GARS1: variants seen among roughly 807,000 people sequenced by gnomAD.
GARS1 encodes glycyl-tRNA synthetase 1.
A neutral mutation model predicts 86.4 loss-of-function variants in GARS1; 46 were observed. The ratio of observed to expected loss-of-function variants is 0.53; its 90% CI spans 0.42 to 0.68. The LOEUF is 0.68. Among genes scored for constraint, GARS1 ranks in the 30% least tolerant of loss-of-function variants. The pLI is 0.00. For missense variants in GARS1, 797 were observed against 915.6 expected, an observed-to-expected ratio of 0.87 and a Z score of 1.67; for synonymous variants, 342 against 329.8, an observed-to-expected ratio of 1.04 and a Z score of -0.40.
chr7:30,616,141 C>G, intron 9 of GARS1, 83 bp downstream of exon 9: 1 of 1,456,976 alleles, frequency 6.9e-7, no homozygotes, highest in South Asian at 1.2e-5. Flanking sequence ...TTCTGGGTGA[C>G]AAGATATTTT....
At chr7:30,608,113 C>G (rs954223921) in intron 6 of GARS1, among the ~76,000 whole-genome samples, 2 of 152,174 alleles carry the variant, frequency 1.3e-5, no homozygotes, top group Non-Finnish European at 1.5e-5. Flanking sequence ...TATTTCCCAT[C>G]TTTAACATTA....
rs373249167 is a variant in GARS1 at position 30,633,698 on chromosome 7, G to C, written c.2095-37G>C. ...ATCTTCTTCTTAAAAATCTGAACAA[G>C]TTGGTTGATACTTGGCTTCTCTTTC... On this transcript the variant is annotated intron_variant, in intron 16 of 16. Transcript: ENST00000389266. 3.7e-5 allele frequency: 60 copies of C among 1,610,988 alleles called. No homozygotes were observed. In the African/African-American group the frequency reaches 7.5e-4, roughly 20 times the overall value.
At chr7:30,617,018 A>G in intron 9 of GARS1, 96 bp from the exon 10 acceptor site, 24 of 1,212,616 alleles carry the variant, frequency 2.0e-5, no homozygotes, top group Non-Finnish European at 2.7e-5. Flanking sequence ...AATATTTTTC[A>G]GTAGAGTGAG....
chr7:30,623,100 C>CA (rs1266842929), intron 12 of GARS1, among the ~76,000 whole-genome samples: 3,843 of 55,894 alleles, frequency 0.069, 153 homozygotes, highest in African/African-American at 0.17. Flanking sequence ...GACTCCGTCT[C>CA]AAAAAAAAAA....
In GARS1 at chr7:30,598,888, G is replaced by C; in HGVS notation, c.315G>C (p.Leu105=). Residue 105 remains leucine, a synonymous_variant, in exon 2 of 17, where the codon CTG becomes CTC. Coordinates refer to ENST00000389266, the MANE Select transcript of GARS1 (RefSeq NM_002047.4). ...VAELKARKRV[L]EAKELALQPK... ...AGCTCAAAGCCCGCAAGAGGGTTCT[G>C]GAAGCAAAGGTGAGTCCTGGGATGC... The C allele has an allele frequency of 1.2e-6, 2 of 1,613,486 alleles. No individual in the cohort carries two copies. Among genetic ancestry groups the C allele is most frequent in the Non-Finnish European group, 1.7e-6 (2 of 1,179,396 alleles).
At chr7:30,617,406 C>G in intron 10 of GARS1, 128 bp downstream of exon 10, 2 of 1,177,510 alleles carry the variant, frequency 1.7e-6, no homozygotes, top group Admixed American at 2.0e-5. Flanking sequence ...TTTTCCTGAG[C>G]AAAACAGAAA....
chr7:30,610,742 A>G (rs951149875), intron 7 of GARS1, among the ~76,000 whole-genome samples: 4 of 152,244 alleles, frequency 2.6e-5, no homozygotes, highest in Non-Finnish European at 5.9e-5. Flanking sequence ...GAAGAAGTAT[A>G]TAAATTGAAA....
chr7:30,595,901 T>C (rs979944300), intron 1 of GARS1: 14 of 471,158 alleles, frequency 3.0e-5, no homozygotes, highest in African/African-American at 2.6e-4. Flanking sequence ...CCATCCTTAG[T>C]ATGGAATATT....
chr7:30,631,302 G>A (rs1012645886), intron 14 of GARS1, 146 bp from the exon 15 acceptor site: 1 of 625,158 alleles, frequency 1.6e-6, no homozygotes, highest in Admixed American at 2.3e-5. Context: ...TTGCCATACT[G>A]CTTTTCATGT....
chr7:30,608,347 A>G (rs183135148), intron 6 of GARS1, among the ~76,000 whole-genome samples: 6 of 152,258 alleles, frequency 3.9e-5, no homozygotes, highest in South Asian at 2.1e-4. Context: ...GGAAAACACT[A>G]TATATTCTTG....
chr7:30,622,842 T>C (rs1783044503), intron 12 of GARS1, among the ~76,000 whole-genome samples: 1 of 152,096 alleles, frequency 6.6e-6, no homozygotes, highest in Non-Finnish European at 1.5e-5. Flanking sequence ...GGCTCATGGC[T>C]GTAATCCCAG....
rs1417458665 is a variant in GARS1, at chr7:30,601,286, C to T, written c.569+86C>T. 1.6e-5 allele frequency: 19 copies of T among 1,209,214 alleles called. 1 individual carries two copies. The highest frequency in any genetic ancestry group is 2.1e-5 in the Non-Finnish European group (18 of 869,078). The allele number at this position is 1,209,214 out of a possible 1,614,324, so 74.9% of individuals were successfully genotyped here. ...TTAATATACTTATCTAAATAACTTC[C>T]TGATTATAAAGAACTACTCATTTCA... On this transcript the variant is annotated intron_variant, in intron 4 of 16. Transcript: ENST00000389266.
chr7:30,617,254 G>T lies in GARS1; in HGVS notation c.1335G>T (p.Trp445Cys). 1 of 1,613,936 alleles carries T rather than the reference G, an allele frequency of 6.2e-7. No individual in the cohort carries two copies. The highest frequency in any genetic ancestry group is 8.5e-7 in the Non-Finnish European group (1 of 1,179,858). ...TGGCCCATTATGCCTGTGACTGTTG[G>T]GATGCAGAATCCAAAACATCCTACG... ...NEMAHYACDC[W>C]DAESKTSYGW... The change falls in exon 10 of 17, where the codon TGG (tryptophan) becomes TGT (cysteine). Residue 445 changes from tryptophan to cysteine, a missense_variant. Coordinates refer to ENST00000389266, the MANE Select transcript of GARS1 (RefSeq NM_002047.4).
intron 13 of GARS1, among the ~76,000 whole-genome samples, chr7:30,628,124 C>A (rs1022581683): frequency 6.6e-6 from 1 of 151,884 alleles, no homozygotes; most frequent in Non-Finnish European, 1.5e-5. Context: ...TTCTGATATA[C>A]AGAGATAAAA....
intron 5 of GARS1, 78 bp downstream of exon 5, chr7:30,603,200 AT>A: frequency 2.4e-6 from 3 of 1,238,368 alleles, no homozygotes; most frequent in Non-Finnish European, 2.4e-6. Context: ...CTTTCATTAA[AT>A]TTTTTATTGA....
intron 6 of GARS1, among the ~76,000 whole-genome samples, chr7:30,604,387 A>T (rs943617852): frequency 3.9e-5 from 6 of 152,280 alleles, no homozygotes; most frequent in African/African-American, 1.4e-4. Context: ...TGGGCAAAAA[A>T]CAAAAAACCA....
chr7:30,627,097 G>A (rs188135038), intron 13 of GARS1: 24 of 464,274 alleles, frequency 5.2e-5, no homozygotes, highest in Admixed American at 9.7e-5. Flanking sequence ...TTTGGAGCAC[G>A]TATGAAGGAT....
chr7:30,628,801 C>T (rs571583096), intron 14 of GARS1, 132 bp downstream of exon 14: 7 of 604,860 alleles, frequency 1.2e-5, no homozygotes, highest in African/African-American at 1.9e-5. Context: ...TATTAACACT[C>T]ATCTTTGCTT....
At chr7:30,595,691 G>T (rs182306831) in intron 1 of GARS1, 48 of 462,760 alleles carry the variant, frequency 1.0e-4, no homozygotes, top group Admixed American at 7.4e-4. Flanking sequence ...CCTTCATTCA[G>T]TGCTTAGTTT....
Sources: gnomAD v4.1 joint callset for allele counts (sites outside exome capture counted in the v4.1 genomes callset) on GRCh38, gnomAD v4.1.1 for gene constraint, MANE v1.5 for transcripts, NCBI Gene and HGNC (gene_info 2026-07-23, HGNC 2026-07-21) for gene names.